CDH4: variants seen among roughly 807,000 people sequenced by gnomAD.
CDH4 encodes cadherin 4.
A neutral mutation model predicts 86.0 loss-of-function variants in CDH4; 33 were observed. That is an observed-to-expected ratio of 0.38 (90% CI 0.29 to 0.51). The LOEUF is 0.51. CDH4 is among the 20% of genes least tolerant of loss of function. CDH4 has a pLI of 0.86. For synonymous variants in CDH4, 555 were observed against 549.4 expected (o/e 1.01, Z -0.14); for missense variants, 1,114 against 1,307.4 (o/e 0.85, Z 2.28).
chr20:61,829,483 C>T lies in CDH4; in HGVS notation c.577-15185C>T, dbSNP rs181920892. ...GTCTGTGTGCAAGGCTTTCTGTGGACAGATGTTGATTCTTAGGGTGTCTGC... is the reference window on the plus strand; with the variant it reads ...GTCTGTGTGCAAGGCTTTCTGTGGATAGATGTTGATTCTTAGGGTGTCTGC... On this transcript the variant is annotated intron_variant, in intron 4 of 15. Coordinates refer to ENST00000614565, the MANE Select transcript of CDH4 (RefSeq NM_001794.5). The surrounding 1 kb of genome is among the most constrained non-coding windows in gnomAD (Gnocchi z 4.2). Among the ~76,000 whole-genome samples the T allele has an allele frequency of 2.0e-4, 30 of 152,312 alleles. No individual in the cohort carries two copies. Among genetic ancestry groups the T allele is most frequent in the African/African-American group, 5.8e-4 (24 of 41,574 alleles).
chr20:61,476,097 T>C (rs1402302593), intron 2 of CDH4, among the ~76,000 whole-genome samples: 1 of 152,228 alleles, frequency 6.6e-6, no homozygotes, highest in African/African-American at 2.4e-5. Flanking sequence ...TAATGCAGGT[T>C]AATGAGGACA....
At chr20:61,488,017 A>G (rs1229394198) in intron 2 of CDH4, among the ~76,000 whole-genome samples, 1 of 152,238 alleles carries the variant, frequency 6.6e-6, no homozygotes, top group Non-Finnish European at 1.5e-5. Context: ...AGGCAGTTCA[A>G]TCGATGATTC....
intron 2 of CDH4, among the ~76,000 whole-genome samples, chr20:61,523,603 A>G (rs2085889160): frequency 1.3e-5 from 2 of 152,238 alleles, no homozygotes; most frequent in African/African-American, 2.4e-5. Flanking sequence ...GCTGTCGTGC[A>G]GGGCATGCAA....
rs13045103 is a variant in CDH4, at chr20:61,283,011, C to T, written c.169+28074C>T. Among the ~76,000 whole-genome samples, 75 of 10,264 alleles carry T rather than the reference C, an allele frequency of 7.3e-3. 12 individuals are homozygous for T. The highest frequency in any genetic ancestry group is 0.027 in the Admixed American group (19 of 694). The allele number at this position is 10,264 out of a possible 152,430, so 6.7% of individuals were successfully genotyped here. On this transcript the variant is annotated intron_variant, in intron 2 of 15. Transcript: ENST00000614565. ...TGTGATGTACGTGCGTTTGCACGCG[C>T]GTGCTGTGGCGTGTGTGATGTACGT...
At chr20:61,715,815 G>A (rs1418590149) in intron 2 of CDH4, among the ~76,000 whole-genome samples, 1 of 152,138 alleles carries the variant, frequency 6.6e-6, no homozygotes, top group Non-Finnish European at 1.5e-5. Flanking sequence ...CAGCTTGCCG[G>A]CCCAGGTCCC....
At chr20:61,412,568 C>A (rs74593165) in intron 2 of CDH4, among the ~76,000 whole-genome samples, 4,666 of 152,146 alleles carry the variant, frequency 0.031, 256 homozygotes, top group African/African-American at 0.11. Flanking sequence ...GATTTCTTGG[C>A]TCTTATAATT....
chr20:61,933,015 A>C lies in CDH4; in HGVS notation c.2270A>C (p.Lys757Thr). 1 of 1,613,302 alleles carries C rather than the reference A, an allele frequency of 6.2e-7. No individual in the cohort carries two copies. The highest frequency in any genetic ancestry group is 8.5e-7 in the Non-Finnish European group (1 of 1,179,980). Residue 757 changes from lysine to threonine, a missense_variant, in exon 14 of 16, where the codon AAG (lysine) becomes ACG (threonine). Lys to Thr is a moderately conservative substitution (Grantham distance 78). Transcript: ENST00000614565. ...GTCCTGCTGTTTGTCATGTGGATGA[A>C]GCGGCGAGAGAAGGAGCGCCACACG... The part of the protein sequence containing the change: ...TMVLLFVMWM[K>T]RREKERHTKQ...
intron 2 of CDH4, among the ~76,000 whole-genome samples, chr20:61,707,337 G>A (rs1026675552): frequency 7.2e-5 from 11 of 152,388 alleles, no homozygotes; most frequent in African/African-American, 2.6e-4. Context: ...GCTGCCTGCA[G>A]TGTGTGCTTT....
At chr20:61,668,267 G>A (rs927954863) in intron 2 of CDH4, among the ~76,000 whole-genome samples, 1 of 152,214 alleles carries the variant, frequency 6.6e-6, no homozygotes, top group Non-Finnish European at 1.5e-5. Flanking sequence ...GTGTGTGCAT[G>A]TGGGTGGATG....
At chr20:61,258,068 G>T (rs923056471) in intron 2 of CDH4, among the ~76,000 whole-genome samples, 3 of 152,116 alleles carry the variant, frequency 2.0e-5, no homozygotes, top group African/African-American at 7.2e-5. Flanking sequence ...GGTGGCTCAC[G>T]CCTGTAATCC....
At chr20:61,614,015 G>T (rs894812970) in intron 2 of CDH4, among the ~76,000 whole-genome samples, 1 of 152,138 alleles carries the variant, frequency 6.6e-6, no homozygotes, top group African/African-American at 2.4e-5. Flanking sequence ...AGGCAGGTGG[G>T]TGTATGAGAG....
intron 12 of CDH4, 62 bp downstream of exon 12, chr20:61,928,485 C>A: frequency 1.4e-6 from 2 of 1,443,812 alleles, no homozygotes; most frequent in East Asian, 2.3e-5. Context: ...CCCTGGGAGA[C>A]CCAGCTGGCC....
rs189481689 is a variant in CDH4, at chr20:61,841,687, G to C, written c.577-2981G>C. On this transcript the variant is annotated intron_variant, in intron 4 of 15. Transcript: ENST00000614565. The stretch of plus-strand genomic sequence containing the variant: ...ACCTACCTGATCATGGGAAAGTAAG[G>C]AGGTGCATTGCGGGGGGGAACAAAG... Among the ~76,000 whole-genome samples the C allele has an allele frequency of 5.3e-3, 703 of 131,616 alleles. 15 individuals are homozygous for C. The highest frequency in any genetic ancestry group is 0.05 in the Admixed American group (647 of 12,986). 86.3% of individuals were successfully genotyped at this position (131,616 alleles called of 152,430 possible).
At chr20:61,365,353 T>C (rs2084805670) in intron 2 of CDH4, among the ~76,000 whole-genome samples, 1 of 152,160 alleles carries the variant, frequency 6.6e-6, no homozygotes, top group Non-Finnish European at 1.5e-5. Flanking sequence ...AGATGTCTGT[T>C]AGGAGCATTC....
intron 4 of CDH4, among the ~76,000 whole-genome samples, chr20:61,784,575 C>T (rs548036892): frequency 9.4e-6 from 1 of 106,712 alleles, no homozygotes; most frequent in African/African-American, 4.2e-5. Context: ...AAATGTAATC[C>T]CAGTTCCTCG....
At chr20:61,275,327 T>G in intron 2 of CDH4, among the ~76,000 whole-genome samples, 1 of 108,712 alleles carries the variant, frequency 9.2e-6, no homozygotes, top group Admixed American at 1.2e-4. Flanking sequence ...GTGCGCAGTT[T>G]GGGAGAGTAC....
intron 9 of CDH4, among the ~76,000 whole-genome samples, chr20:61,916,168 A>G (rs1474307405): frequency 1.7e-4 from 21 of 123,122 alleles, no homozygotes; most frequent in Non-Finnish European, 3.5e-4. Flanking sequence ...TCTCTTTCGG[A>G]GCAGGGGAGT....
At chr20:61,303,119 G>A (rs539744442) in intron 2 of CDH4, among the ~76,000 whole-genome samples, 11 of 152,342 alleles carry the variant, frequency 7.2e-5, no homozygotes, top group Non-Finnish European at 1.0e-4. Flanking sequence ...TTGTGGTGAC[G>A]TTACGGCCAC....
Position 61,937,408 on chromosome 20 carries a change from G to A in CDH4, c.*465G>A, listed in dbSNP as rs1177402305. 1 of 153,626 alleles carries A rather than the reference G, an allele frequency of 6.5e-6. No individual in the cohort carries two copies. The highest frequency in any genetic ancestry group is 2.1e-4 in the South Asian group (1 of 4,838). 9.5% of individuals were successfully genotyped at this position (153,626 alleles called of 1,614,324 possible). ...GAAGGCATCATTCAGAAATGGGGGA[G>A]ACTGTGTCTGTCTTTCTTACTTTTT... On this transcript the variant is annotated 3_prime_UTR_variant, in exon 16 of 16. Coordinates refer to ENST00000614565, the MANE Select transcript of CDH4 (RefSeq NM_001794.5).
Sources: gnomAD v4.1 joint callset for allele counts (sites outside exome capture counted in the v4.1 genomes callset) on GRCh38, gnomAD v4.1.1 for gene constraint, Gnocchi (gnomAD v3.1) non-coding constraint, MANE v1.5 for transcripts, NCBI Gene and HGNC (gene_info 2026-07-23, HGNC 2026-07-21) for gene names.